Variants in CSMD1 observed in about 807,000 individuals in gnomAD.
CSMD1 encodes CUB and sushi domain-containing protein 1.
A neutral mutation model predicts 417.5 loss-of-function variants in CSMD1; 213 were observed. The observed-to-expected ratio is 0.51, with a 90% CI of 0.46 to 0.57. The LOEUF is 0.57. CSMD1 is among the 20% of genes least tolerant of loss of function. The probability of loss-of-function intolerance (pLI) is 0.00; values close to 1 mark genes in which losing one functional copy is unlikely to be tolerated. For missense variants in CSMD1, 6,923 were observed against 4,529.7 expected, an observed-to-expected ratio of 1.53 and a Z score of -15.17; for synonymous variants, 2,862 against 1,736.8, an observed-to-expected ratio of 1.65 and a Z score of -16.11.
chr8:4,359,508 C>G (rs576160841), intron 3 of CSMD1, among the ~76,000 whole-genome samples: 17 of 152,170 alleles, frequency 1.1e-4, no homozygotes, highest in Non-Finnish European at 2.4e-4. Context: ...TATAGACTTC[C>G]CCAACCTTGC....
At chr8:3,953,887 C>A (rs775434061) in intron 5 of CSMD1, among the ~76,000 whole-genome samples, 3 of 152,180 alleles carry the variant, frequency 2.0e-5, no homozygotes, top group Non-Finnish European at 4.4e-5. Context: ...GCTGTGCAGG[C>A]CCCAGGACTG....
At chr8:4,906,853 C>A (rs546779456) in intron 1 of CSMD1, among the ~76,000 whole-genome samples, 1 of 152,104 alleles carries the variant, frequency 6.6e-6, no homozygotes, top group Admixed American at 6.6e-5. Context: ...CCGCTGCCCC[C>A]GGCCTTGAGT....
At chr8:3,507,825 T>C (rs1035979913) in intron 10 of CSMD1, among the ~76,000 whole-genome samples, 1 of 152,236 alleles carries the variant, frequency 6.6e-6, no homozygotes, top group Admixed American at 6.5e-5. Context: ...TATCTGTTCA[T>C]ATCCTTTGCC....
At chr8:3,965,321 G>C (rs1182021188) in intron 5 of CSMD1, among the ~76,000 whole-genome samples, 1 of 152,172 alleles carries the variant, frequency 6.6e-6, no homozygotes, top group African/African-American at 2.4e-5. Context: ...CTACCATGAA[G>C]ATAATGTTCT....
chr8:3,831,736 A>C (rs1287607240), intron 5 of CSMD1, among the ~76,000 whole-genome samples: 1 of 152,190 alleles, frequency 6.6e-6, no homozygotes, highest in Non-Finnish European at 1.5e-5. Flanking sequence ...AGGTTTCCAA[A>C]TACAGTTCTC....
chr8:4,155,253 G>C (rs1290830732), intron 3 of CSMD1, among the ~76,000 whole-genome samples: 1 of 152,210 alleles, frequency 6.6e-6, no homozygotes, highest in Non-Finnish European at 1.5e-5. Flanking sequence ...AGGGGCAGCA[G>C]AGAGGTGAAT....
intron 5 of CSMD1, among the ~76,000 whole-genome samples, chr8:3,824,194 A>G (rs1283499556): frequency 6.6e-6 from 1 of 152,112 alleles, no homozygotes; most frequent in Non-Finnish European, 1.5e-5. Flanking sequence ...ATGATGACTA[A>G]TTTATCCTGA....
rs151123155 is a variant in CSMD1, at chr8:4,000,290, A to T, written c.611-2180T>A. On this transcript the variant is annotated intron_variant, in intron 4 of 69. Coordinates refer to ENST00000635120, the MANE Select transcript of CSMD1 (RefSeq NM_033225.6). ...CACACACTTCCCTGGTCAACTGAGA[A>T]CCAGCTGCACAACTGCCCAGCTCGC... Among the ~76,000 whole-genome samples, 17 of 152,248 alleles carry T rather than the reference A, an allele frequency of 1.1e-4. No individual in the cohort carries two copies. In the East Asian group the frequency reaches 3.3e-3, roughly 29 times the overall value.
At chr8:4,353,017 T>C (rs775748310) in intron 3 of CSMD1, among the ~76,000 whole-genome samples, 1 of 152,262 alleles carries the variant, frequency 6.6e-6, no homozygotes, top group East Asian at 1.9e-4. Context: ...TTCCTCTGGA[T>C]ACTATTTCCT....
chr8:3,180,013 G>C (rs1821218993), intron 37 of CSMD1, among the ~76,000 whole-genome samples: 1 of 152,160 alleles, frequency 6.6e-6, no homozygotes, highest in Admixed American at 6.5e-5. Context: ...TTACATCGTA[G>C]CAAACTGTTT....
rs1407504553 is a variant in CSMD1 at position 4,859,004 on chromosome 8, G to C, written c.85+135328C>G. 2.0e-5 allele frequency among the ~76,000 whole-genome samples: 3 copies of C among 150,964 alleles called. No homozygotes were observed. In the East Asian group the frequency reaches 5.9e-4, roughly 30 times the overall value. ...CAAAGCTGGAGGCATCACGCTACCT[G>C]ACTTCAAACTATACTACAAGGCTAC... On this transcript the variant is annotated intron_variant, in intron 1 of 69. Transcript: ENST00000635120.
intron 3 of CSMD1, among the ~76,000 whole-genome samples, chr8:4,412,546 G>C (rs542879798): frequency 4.1e-4 from 62 of 152,082 alleles, no homozygotes; most frequent in African/African-American, 1.4e-3. Flanking sequence ...CCCAGTCTCC[G>C]GTATTTCTTT....
At chr8:4,907,876 T>G (rs1805405504) in intron 1 of CSMD1, among the ~76,000 whole-genome samples, 1 of 152,162 alleles carries the variant, frequency 6.6e-6, no homozygotes, top group Admixed American at 6.6e-5. Flanking sequence ...CATTGTTTAT[T>G]AATTATATCC....
intron 11 of CSMD1, among the ~76,000 whole-genome samples, chr8:3,473,345 TTA>T (rs1377259908): frequency 1.3e-5 from 2 of 152,194 alleles, no homozygotes; most frequent in East Asian, 3.8e-4. Flanking sequence ...ACAGTTATAT[TTA>T]TGAGAAGAAC....
At chr8:3,143,294 T>G (rs1024856238) in intron 40 of CSMD1, among the ~76,000 whole-genome samples, 2 of 152,158 alleles carry the variant, frequency 1.3e-5, no homozygotes, top group African/African-American at 4.8e-5. Context: ...AAGCGGTCAT[T>G]TTCTATTGTG....
rs374951869 is a variant in CSMD1 at position 3,118,488 on chromosome 8, T to G, written c.6341A>C (p.Tyr2114Ser). The G allele has an allele frequency of 2.2e-5, 35 of 1,613,772 alleles. No individual in the cohort carries two copies. The highest frequency in any genetic ancestry group is 2.9e-5 in the Non-Finnish European group (34 of 1,179,816). ...ATGGCCTATTAGAATGTACCCAGGA[T>G]AACACTCGAAAGATACTGATTGCCC... ...SVGQSVSFEC[Y>S]PGYILIGHPV... is the part of the protein sequence containing the mutation. The change falls in exon 42 of 70, where the codon TAT (tyrosine) becomes TCT (serine). Residue 2114 changes from tyrosine to serine, a missense_variant. Physicochemically the swap from Tyr to Ser is moderately radical, Grantham distance 144. Transcript: ENST00000635120.
chr8:4,278,082 C>T (rs976454010), intron 3 of CSMD1, among the ~76,000 whole-genome samples: 2 of 152,100 alleles, frequency 1.3e-5, no homozygotes, highest in South Asian at 2.1e-4. Flanking sequence ...AATTAAAATG[C>T]TACATTTATA....
chr8:4,906,796 G>A (rs11782086), intron 1 of CSMD1, among the ~76,000 whole-genome samples: 13 of 152,144 alleles, frequency 8.5e-5, no homozygotes, highest in African/African-American at 2.9e-4. Flanking sequence ...TTGACCTCGT[G>A]ATCTGCCTGC....
chr8:3,749,317 T>A (rs898410358), intron 6 of CSMD1, among the ~76,000 whole-genome samples: 2 of 152,094 alleles, frequency 1.3e-5, no homozygotes, highest in South Asian at 2.1e-4. Flanking sequence ...ATATTGTGGG[T>A]TTTTCCCCTG....
Sources: allele counts gnomAD v4.1 joint callset (sites outside exome capture counted in the v4.1 genomes callset), GRCh38; gene constraint gnomAD v4.1.1; transcripts MANE v1.5; gene names NCBI Gene and HGNC (gene_info 2026-07-23, HGNC 2026-07-21).